Variants in ZNF678 observed in about 807,000 individuals in gnomAD.
ZNF678 encodes the protein hypothetical protein MGC42493.
In ZNF678, 5 loss-of-function variants were observed where a neutral mutation model predicts 3.0. The ratio of observed to expected loss-of-function variants is 1.69; its 90% CI spans 0.88 to 3.56. The LOEUF (loss-of-function observed/expected upper bound fraction) is 3.56, where lower values mean the gene tolerates loss of function less well. ZNF678 is among the 30% of genes most tolerant of loss of function. The pLI, the probability that ZNF678 is intolerant of heterozygous loss-of-function variation, is 0.00. For missense variants in ZNF678, 593 were observed against 605.0 expected, an observed-to-expected ratio of 0.98 and a Z score of 0.21; for synonymous variants, 218 against 199.6, an observed-to-expected ratio of 1.09 and a Z score of -0.78.
At chr1:227,635,447 G>T (rs12129704) in intron 1 of ZNF678, among the ~76,000 whole-genome samples, 28,554 of 151,102 alleles carry the variant, frequency 0.19, 2,834 homozygotes, top group African/African-American at 0.24. Flanking sequence ...AGGCAGTTCA[G>T]TTTTTTGTTG....
intron 1 of ZNF678, among the ~76,000 whole-genome samples, chr1:227,605,121 C>T (rs894525810): frequency 2.0e-5 from 3 of 152,214 alleles, no homozygotes; most frequent in Admixed American, 6.5e-5. Context: ...TCCCAAAGTG[C>T]TGGGATTACA....
chr1:227,679,071 A>T (rs1659726619), downstream of ZNF678, among the ~76,000 whole-genome samples: 1 of 152,062 alleles, frequency 6.6e-6, no homozygotes, highest in Non-Finnish European at 1.5e-5. Context: ...TTAGAAACTG[A>T]ATTAAACTCA....
At chr1:227,564,026 A>G (rs370287424) in intron 1 of ZNF678, among the ~76,000 whole-genome samples, 2 of 152,236 alleles carry the variant, frequency 1.3e-5, no homozygotes, top group East Asian at 3.8e-4. Flanking sequence ...GAGCTGTTCC[A>G]TGGGGCTTAT....
At chr1:227,579,628 G>A (rs1657074798) in intron 1 of ZNF678, among the ~76,000 whole-genome samples, 1 of 152,112 alleles carries the variant, frequency 6.6e-6, no homozygotes, top group Non-Finnish European at 1.5e-5. Context: ...ATGGTCATAG[G>A]GGTCATCTCG....
chr1:227,678,133 G>A (rs1179666746), downstream of ZNF678, among the ~76,000 whole-genome samples: 3 of 152,132 alleles, frequency 2.0e-5, no homozygotes, highest in Non-Finnish European at 4.4e-5. Context: ...GAAAAATATG[G>A]TAAAGGATCT....
chr1:227,632,309 A>G (rs1011607520), intron 1 of ZNF678, among the ~76,000 whole-genome samples: 7 of 152,172 alleles, frequency 4.6e-5, no homozygotes. Context: ...CTGACGCATT[A>G]GTACCTAGGA....
chr1:227,640,664 T>A (rs755090744), intron 1 of ZNF678, among the ~76,000 whole-genome samples: 1 of 152,180 alleles, frequency 6.6e-6, no homozygotes, highest in African/African-American at 2.4e-5. Flanking sequence ...GGACCCGTTA[T>A]CTAATTCGTA....
At chr1:227,629,422 A>G (rs1451253821) in intron 1 of ZNF678, among the ~76,000 whole-genome samples, 1 of 152,244 alleles carries the variant, frequency 6.6e-6, no homozygotes, top group Non-Finnish European at 1.5e-5. Flanking sequence ...CCTTTCAGGC[A>G]TAATTAGAAA....
At chr1:227,588,212 T>A (rs1186723894) in intron 1 of ZNF678, among the ~76,000 whole-genome samples, 2 of 152,214 alleles carry the variant, frequency 1.3e-5, no homozygotes, top group Non-Finnish European at 2.9e-5. Context: ...TGTACTATAT[T>A]TTCTTTATCC....
At chr1:227,652,756 G>C (rs1443301956) in intron 3 of ZNF678, among the ~76,000 whole-genome samples, 5 of 151,972 alleles carry the variant, frequency 3.3e-5, no homozygotes, top group Non-Finnish European at 5.9e-5. Flanking sequence ...TTGTTCTTAT[G>C]CATATTTCAA....
At position 227,563,705 on chromosome 1, in the gene ZNF678, A is replaced by T; in HGVS notation, c.-183A>T. The T allele has an allele frequency of 7.5e-7, 1 of 1,332,150 alleles. No individual in the cohort carries two copies. The highest frequency in any genetic ancestry group is 1.0e-6 in the Non-Finnish European group (1 of 1,002,916). The allele number at this position is 1,332,150 out of a possible 1,614,324, so 82.5% of individuals were successfully genotyped here. A position where few individuals can be genotyped will look rare whatever the true frequency, so the allele number is the denominator to read the frequency against. On this transcript the variant is annotated 5_prime_UTR_variant, in exon 1 of 4. Transcript: ENST00000343776. ...AGTTACATAGCTAAGATGCCAGGACACCCCGAAAGCCGGAAAACGGTGAGA... is the reference window on the plus strand; with the variant it reads ...AGTTACATAGCTAAGATGCCAGGACTCCCCGAAAGCCGGAAAACGGTGAGA...
rs536073203 is a variant in ZNF678 at position 227,656,505 on chromosome 1, T to C, written c.*677T>C. 6 of 151,986 alleles carry C rather than the reference T, an allele frequency of 3.9e-5. No individual in the cohort carries two copies. Among genetic ancestry groups the C allele is most frequent in the African/African-American group, 1.4e-4 (6 of 41,532 alleles). 9.4% of individuals were successfully genotyped at this position (151,986 alleles called of 1,614,324 possible). A position where few individuals can be genotyped will look rare whatever the true frequency, so the allele number is the denominator to read the frequency against. ...TATTTATTGTTTATGTTAAAGTATGTGGTCAGTTGTTGCTGCATAAGAGCT... is the reference window on the plus strand; with the variant it reads ...TATTTATTGTTTATGTTAAAGTATGCGGTCAGTTGTTGCTGCATAAGAGCT... On this transcript the variant is annotated 3_prime_UTR_variant, in exon 4 of 4. Transcript: ENST00000343776.
rs913483547 is a variant in ZNF678, at chr1:227,573,402, T to G, written c.-164+9678T>G. Among the ~76,000 whole-genome samples, 9 of 152,384 alleles carry G rather than the reference T, an allele frequency of 5.9e-5. 1 individual carries two copies. Among genetic ancestry groups the G allele is most frequent in the African/African-American group, 1.7e-4 (7 of 41,592 alleles). On this transcript the variant is annotated intron_variant, in intron 1 of 3. Transcript: ENST00000343776. ...TACGAATAAAAGCCCATTGACAGATTGAGCTCATAATGCATACACTAATTT... is the reference window on the plus strand; with the variant it reads ...TACGAATAAAAGCCCATTGACAGATGGAGCTCATAATGCATACACTAATTT...
intron 1 of ZNF678, among the ~76,000 whole-genome samples, chr1:227,635,055 G>A (rs1229675910): frequency 6.8e-6 from 1 of 147,324 alleles, no homozygotes; most frequent in Non-Finnish European, 1.5e-5. Context: ...AGAAAGTGAG[G>A]GAAGAGAACA....
chr1:227,576,029 T>C (rs1656979905), intron 1 of ZNF678, among the ~76,000 whole-genome samples: 1 of 152,226 alleles, frequency 6.6e-6, no homozygotes, highest in Admixed American at 6.5e-5. Context: ...TAGTTCTGTT[T>C]ATGTGATAGA....
chr1:227,606,732 G>A (rs1436669356), intron 1 of ZNF678, among the ~76,000 whole-genome samples: 1 of 152,036 alleles, frequency 6.6e-6, no homozygotes, highest in Non-Finnish European at 1.5e-5. Context: ...GCGGCTTTCT[G>A]CAGTGCATCG....
At chr1:227,632,724 G>A (rs1339712942) in intron 1 of ZNF678, among the ~76,000 whole-genome samples, 2 of 152,144 alleles carry the variant, frequency 1.3e-5, no homozygotes, top group East Asian at 1.9e-4. Context: ...TTCTAAGGAA[G>A]GATAGGACAG....
chr1:227,587,833 T>C lies in ZNF678; in HGVS notation c.-164+24109T>C, dbSNP rs578207556. ...ACCCTTTCCTTTTTTTTTTTTTTTT[T>C]CAAGACTTTAAAAAAAATTCAGGGG... On this transcript the variant is annotated intron_variant, in intron 1 of 3. Coordinates refer to ENST00000343776, the MANE Select transcript of ZNF678 (RefSeq NM_001367909.1). Among the ~76,000 whole-genome samples the C allele has an allele frequency of 5.6e-3, 823 of 147,004 alleles. 8 individuals carry two copies. The highest frequency in any genetic ancestry group is 0.02 in the African/African-American group (778 of 39,616).
intron 1 of ZNF678, among the ~76,000 whole-genome samples, chr1:227,599,578 C>T (rs997962494): frequency 3.3e-5 from 5 of 151,950 alleles, no homozygotes; most frequent in Non-Finnish European, 7.4e-5. Context: ...GATTATTTTA[C>T]ATTTTGTATT....
Sources: allele counts gnomAD v4.1 joint callset (sites outside exome capture counted in the v4.1 genomes callset), GRCh38; gene constraint gnomAD v4.1.1; transcripts MANE v1.5; gene names NCBI Gene and HGNC (gene_info 2026-07-23, HGNC 2026-07-21).